MYO1E: variants seen among roughly 807,000 people sequenced by gnomAD.
The protein encoded by MYO1E is myosin IE, also known as unconventional myosin-Ie.
A neutral mutation model predicts 151.1 loss-of-function variants in MYO1E; 68 were observed. That is an observed-to-expected ratio of 0.45 (90% CI 0.37 to 0.55). MYO1E has a LOEUF of 0.55. MYO1E is among the 20% of genes least tolerant of loss of function. MYO1E has a pLI of 0.00. For missense variants in MYO1E, 1,363 were observed against 1,389.3 expected (o/e 0.98, Z 0.30); for synonymous variants, 601 against 501.7 (o/e 1.20, Z -2.64).
intron 17 of MYO1E, among the ~76,000 whole-genome samples, chr15:59,192,226 T>C (rs181324997): frequency 2.1e-4 from 32 of 152,004 alleles, no homozygotes; most frequent in Non-Finnish European, 4.3e-4. Context: ...AACTAATACC[T>C]TGAACTTCTT....
At chr15:59,246,055 A>G (rs2080127912) in intron 4 of MYO1E, among the ~76,000 whole-genome samples, 1 of 152,228 alleles carries the variant, frequency 6.6e-6, no homozygotes, top group African/African-American at 2.4e-5. Flanking sequence ...TACTGGGCTC[A>G]CAGGTACCTA....
intron 26 of MYO1E, among the ~76,000 whole-genome samples, chr15:59,151,450 C>CCCA (rs1566965035): frequency 1.3e-5 from 2 of 151,834 alleles, no homozygotes; most frequent in Admixed American, 6.6e-5. Context: ...AAACCCCCCC[C>CCCA]AAAAAAACCA....
At chr15:59,160,262 TAA>T (rs1226240366) in intron 24 of MYO1E, among the ~76,000 whole-genome samples, 2 of 152,036 alleles carry the variant, frequency 1.3e-5, no homozygotes, top group African/African-American at 2.4e-5. Flanking sequence ...GCTATAGATA[TAA>T]GTTTATAAAT....
chr15:59,180,272 G>T (rs970327510), intron 18 of MYO1E, among the ~76,000 whole-genome samples: 1 of 152,156 alleles, frequency 6.6e-6, no homozygotes, highest in Non-Finnish European at 1.5e-5. Context: ...ACACATAAAT[G>T]ACTAATAGCA....
chr15:59,187,896 G>T (rs1404871950), intron 18 of MYO1E, among the ~76,000 whole-genome samples: 2 of 152,158 alleles, frequency 1.3e-5, no homozygotes, highest in Non-Finnish European at 2.9e-5. Context: ...TGACTGACTG[G>T]GCCCAGAGGC....
chr15:59,318,844 C>T (rs60184504), intron 1 of MYO1E, among the ~76,000 whole-genome samples: 7 of 152,204 alleles, frequency 4.6e-5, no homozygotes, highest in South Asian at 4.1e-4. Context: ...CAAGATTACA[C>T]GAAGAGTAAA....
chr15:59,321,316 C>A (rs961225138), intron 1 of MYO1E, among the ~76,000 whole-genome samples: 43 of 152,244 alleles, frequency 2.8e-4, no homozygotes, highest in African/African-American at 1.0e-3. Context: ...TTCAACTCAG[C>A]AATCCCATTA....
At chr15:59,216,720 ACACAT>A (rs1252614584) in intron 10 of MYO1E, among the ~76,000 whole-genome samples, 3 of 134,264 alleles carry the variant, frequency 2.2e-5, no homozygotes, top group African/African-American at 8.5e-5. Context: ...ACACACACAC[ACACAT>A]AATTATGCCA....
chr15:59,273,950 A>C (rs1289430185), intron 1 of MYO1E, among the ~76,000 whole-genome samples: 1 of 152,194 alleles, frequency 6.6e-6, no homozygotes, highest in Non-Finnish European at 1.5e-5. Context: ...CTCAGACATC[A>C]AAACTAGGAT....
intron 1 of MYO1E, among the ~76,000 whole-genome samples, chr15:59,310,884 T>C (rs1049898999): frequency 2.0e-5 from 3 of 152,148 alleles, no homozygotes; most frequent in African/African-American, 7.2e-5. Context: ...AATGTGATTT[T>C]GTTAAAAACC....
rs199779447 is a variant in MYO1E, at chr15:59,256,373, C to T, written c.243G>A (p.Gln81=). Residue 81 remains glutamine (Q), a synonymous_variant, in exon 4 of 28, where the codon CAG becomes CAA. Transcript: ENST00000288235. ...KEIEMYQGAA[Q]YENPPHIYAL... ...CATAGATATGTGGTGGGTTTTCATA[C>T]TGTGCCTAGAAAAGCAAAAAATAAT... 2.1e-5 allele frequency: 33 copies of T among 1,605,664 alleles called. No individual in the cohort carries two copies. The East Asian group carries it at 7.4e-4, about 36-fold the overall frequency.
intron 23 of MYO1E, among the ~76,000 whole-genome samples, 168 bp downstream of exon 23, chr15:59,162,989 T>C (rs1421880889): frequency 1.3e-5 from 2 of 152,256 alleles, no homozygotes; most frequent in East Asian, 3.8e-4. Context: ...TCAAAGTCTG[T>C]GACTACTATC....
chr15:59,158,425 T>G, intron 24 of MYO1E, 46 bp from the exon 25 acceptor site: 1 of 1,428,886 alleles, frequency 7.0e-7, no homozygotes, highest in East Asian at 2.5e-5. Flanking sequence ...CTGGTTGGTT[T>G]TATGGATCCT....
At chr15:59,213,253 C>T (rs1784011786) in intron 12 of MYO1E, among the ~76,000 whole-genome samples, 1 of 151,834 alleles carries the variant, frequency 6.6e-6, no homozygotes, top group South Asian at 2.1e-4. Context: ...TCACTGCAAC[C>T]TCTGCCTCCT....
At chr15:59,197,408 G>A (rs1294873585) in intron 16 of MYO1E, among the ~76,000 whole-genome samples, 1 of 152,180 alleles carries the variant, frequency 6.6e-6, no homozygotes, top group African/African-American at 2.4e-5. Context: ...TGTAACTTAA[G>A]TTTATAAGTC....
At chr15:59,205,371 C>T (rs2079826647) in intron 15 of MYO1E, 29 bp downstream of exon 15, 3 of 1,602,030 alleles carry the variant, frequency 1.9e-6, no homozygotes, top group Non-Finnish European at 2.6e-6. Flanking sequence ...AACCTATATC[C>T]CCTGTCAGCT....
At chr15:59,186,008 C>G (rs1483877657) in intron 18 of MYO1E, among the ~76,000 whole-genome samples, 2 of 152,218 alleles carry the variant, frequency 1.3e-5, no homozygotes, top group African/African-American at 4.8e-5. Context: ...AGTCTCATAA[C>G]TAACATCTCA....
intron 26 of MYO1E, among the ~76,000 whole-genome samples, chr15:59,152,545 G>T (rs1431574303): frequency 6.6e-6 from 1 of 152,156 alleles, no homozygotes; most frequent in African/African-American, 2.4e-5. Flanking sequence ...AGTGACGGGG[G>T]TCCTTATGAT....
Position 59,208,642 on chromosome 15 carries a change from C to A in MYO1E, c.1530+39G>T, listed in dbSNP as rs188399677. ...AGAAACCAGATCACAAACCCAAAGG[C>A]TTAAAACAGATAGACATTAAAATGG... On this transcript the variant is annotated intron_variant, in intron 14 of 27. Transcript: ENST00000288235. The A allele has an allele frequency of 2.9e-3, 4,724 of 1,612,624 alleles. 11 individuals are homozygous for A. The highest frequency in any genetic ancestry group is 3.1e-3 in the Non-Finnish European group (3,649 of 1,178,670).
Sources: gnomAD v4.1 joint callset for allele counts (sites outside exome capture counted in the v4.1 genomes callset) on GRCh38, gnomAD v4.1.1 for gene constraint, MANE v1.5 for transcripts, NCBI Gene and HGNC (gene_info 2026-07-23, HGNC 2026-07-21) for gene names.